Variants in TRPC4AP observed in about 807,000 individuals in gnomAD.
TRPC4AP encodes short transient receptor potential channel 4-associated protein.
In TRPC4AP, 45 loss-of-function variants were observed where a neutral mutation model predicts 99.0. That is an observed-to-expected ratio of 0.45 (90% CI 0.36 to 0.58). The LOEUF (loss-of-function observed/expected upper bound fraction) is 0.58. Ranked by LOEUF, TRPC4AP falls within the 20% of genes least tolerant of loss-of-function variation. TRPC4AP has a pLI of 0.00. For missense variants in TRPC4AP, 879 were observed against 985.3 expected (o/e 0.89, Z 1.44); for synonymous variants, 408 against 385.8 (o/e 1.06, Z -0.67).
intron 3 of TRPC4AP, among the ~76,000 whole-genome samples, chr20:35,068,288 G>A (rs765836267): frequency 6.6e-6 from 1 of 152,094 alleles, no homozygotes; most frequent in Non-Finnish European, 1.5e-5. Flanking sequence ...GTAAACAGAC[G>A]CTCATACTTT....
intron 1 of TRPC4AP, among the ~76,000 whole-genome samples, chr20:35,091,266 A>C (rs1339768304): frequency 6.6e-6 from 1 of 152,056 alleles, no homozygotes; most frequent in East Asian, 1.9e-4. Context: ...CTGGGATTAC[A>C]GGGTCTTAAG....
chr20:35,042,950 T>G lies in TRPC4AP; in HGVS notation c.865+1555A>C, dbSNP rs112368170. Among the ~76,000 whole-genome samples the G allele has an allele frequency of 2.2e-3, 336 of 152,318 alleles. 2 individuals are homozygous for G. The highest frequency in any genetic ancestry group is 0.01 in the Middle Eastern group (3 of 294). On this transcript the variant is annotated intron_variant, in intron 7 of 18. Transcript: ENST00000252015. Reference sequence around the variant, plus strand: ...CAGCTACTTCCTATTAATAACCACTTTATGTTTCTTGTGTACCCTTTGTTT... The same window carrying G: ...CAGCTACTTCCTATTAATAACCACTGTATGTTTCTTGTGTACCCTTTGTTT...
intron 9 of TRPC4AP, 119 bp downstream of exon 9, chr20:35,021,071 G>A (rs1267467033): frequency 7.2e-6 from 8 of 1,114,840 alleles, no homozygotes; most frequent in Non-Finnish European, 6.3e-6. Context: ...ATACCCCTAT[G>A]CTTTGCCAGG....
chr20:35,081,525 G>GAAAAT (rs1165145017), intron 1 of TRPC4AP, among the ~76,000 whole-genome samples: 3 of 149,694 alleles, frequency 2.0e-5, no homozygotes, highest in African/African-American at 2.5e-5. Flanking sequence ...AAAATAAATA[G>GAAAAT]AAAATAAAAT....
rs1329311934 is a variant in TRPC4AP at position 35,044,581 on chromosome 20, C to T, written c.789G>A (p.Lys263=). 1.2e-6 allele frequency: 2 copies of T among 1,614,026 alleles called. No homozygotes were observed. Among genetic ancestry groups the T allele is most frequent in the Non-Finnish European group, 1.7e-6 (2 of 1,180,016 alleles). The part of the protein sequence containing the change: ...ISEMDTGNDD[K]HTLLAKNAQQ... ...GAGCATTTTTGGCAAGAAGCGTGTG[C>T]TTGTCATCATTCCCTGTATCCATCT... The change falls in exon 7 of 19, where the codon AAG becomes AAA. Residue 263 remains lysine, a synonymous_variant. Coordinates refer to ENST00000252015, the MANE Select transcript of TRPC4AP (RefSeq NM_015638.3).
chr20:35,075,627 G>A (rs1029488062), intron 2 of TRPC4AP, among the ~76,000 whole-genome samples: 2 of 152,174 alleles, frequency 1.3e-5, no homozygotes, highest in African/African-American at 2.4e-5. Context: ...CAAGAGAACC[G>A]CTGTTAGTCT....
chr20:35,063,809 T>C lies in TRPC4AP; in HGVS notation c.414+5487A>G, dbSNP rs1323415996. On this transcript the variant is annotated intron_variant, in intron 3 of 18. Transcript: ENST00000252015. ...CCAGGGGTTCAAGGCTGCAGTGAGC[T>C]AGGATCGTACCACTGCACTCCAGCC... 2.6e-5 allele frequency among the ~76,000 whole-genome samples: 4 copies of C among 152,132 alleles called. No homozygotes were observed. In the East Asian group the frequency reaches 7.7e-4, roughly 29 times the overall value.
chr20:35,048,683 T>C (rs563649457), intron 6 of TRPC4AP, among the ~76,000 whole-genome samples: 1 of 152,284 alleles, frequency 6.6e-6, no homozygotes, highest in Admixed American at 6.5e-5. Context: ...CCTCGCCATT[T>C]TGGGGTACAC....
At chr20:35,037,537 TAAAC>T (rs1322165967) in intron 7 of TRPC4AP, among the ~76,000 whole-genome samples, 1 of 152,076 alleles carries the variant, frequency 6.6e-6, no homozygotes, top group Non-Finnish European at 1.5e-5. Flanking sequence ...ACTGAAGGGA[TAAAC>T]AAACTGTGGT....
At chr20:35,084,521 T>TGTATATAC (rs1401102815) in intron 1 of TRPC4AP, among the ~76,000 whole-genome samples, 1 of 148,222 alleles carries the variant, frequency 6.7e-6, no homozygotes, top group African/African-American at 2.5e-5. Flanking sequence ...CGTATATATG[T>TGTATATAC]GTATATATGT....
At chr20:35,050,908 G>A (rs933204098) in intron 5 of TRPC4AP, among the ~76,000 whole-genome samples, 2 of 152,046 alleles carry the variant, frequency 1.3e-5, no homozygotes, top group South Asian at 2.1e-4. Context: ...GAGGTGAGAG[G>A]ACCGCTTGAG....
chr20:35,083,922 A>C (rs76850134), intron 1 of TRPC4AP, among the ~76,000 whole-genome samples: 12,404 of 151,928 alleles, frequency 0.082, 585 homozygotes, highest in South Asian at 0.13. Flanking sequence ...CTAAACTGCT[A>C]AACTGCAGTA....
chr20:35,042,875 G>C (rs1471547941), intron 7 of TRPC4AP, among the ~76,000 whole-genome samples: 2 of 152,088 alleles, frequency 1.3e-5, no homozygotes, highest in Non-Finnish European at 2.9e-5. Context: ...AACAATATAT[G>C]AAAGTATACA....
intron 3 of TRPC4AP, among the ~76,000 whole-genome samples, chr20:35,062,823 T>C (rs1377229323): frequency 6.6e-6 from 1 of 152,238 alleles, no homozygotes; most frequent in African/African-American, 2.4e-5. Flanking sequence ...TATCTTTTAA[T>C]ATATCTTTTA....
chr20:35,023,529 A>AT (rs2082943707), intron 8 of TRPC4AP, among the ~76,000 whole-genome samples: 1 of 152,158 alleles, frequency 6.6e-6, no homozygotes, highest in African/African-American at 2.4e-5. Flanking sequence ...TACTGGAGAA[A>AT]TTTTTAATTT....
intron 12 of TRPC4AP, 102 bp downstream of exon 12, chr20:35,010,083 TGA>T (rs1200249337): frequency 4.7e-6 from 4 of 851,070 alleles, no homozygotes; most frequent in African/African-American, 3.3e-5. Flanking sequence ...TAGCTGCATG[TGA>T]GAGAGGACAC....
chr20:35,050,534 C>A (rs925165428), intron 5 of TRPC4AP, among the ~76,000 whole-genome samples: 2 of 151,870 alleles, frequency 1.3e-5, no homozygotes, highest in African/African-American at 4.8e-5. Context: ...GGCCAACGTG[C>A]CAAAACCCTG....
At chr20:35,084,891 A>G (rs186289349) in intron 1 of TRPC4AP, among the ~76,000 whole-genome samples, 6 of 152,262 alleles carry the variant, frequency 3.9e-5, no homozygotes, top group Admixed American at 6.5e-5. Flanking sequence ...GCCCTGCTGT[A>G]AATAATAATG....
intron 2 of TRPC4AP, among the ~76,000 whole-genome samples, chr20:35,075,146 T>C (rs2084438774): frequency 6.6e-6 from 1 of 152,262 alleles, no homozygotes; most frequent in South Asian, 2.1e-4. Context: ...TTTGAGCCTA[T>C]GTGTGTCTCT....
Sources: allele counts gnomAD v4.1 joint callset (sites outside exome capture counted in the v4.1 genomes callset), GRCh38; gene constraint gnomAD v4.1.1; transcripts MANE v1.5; gene names NCBI Gene and HGNC (gene_info 2026-07-23, HGNC 2026-07-21).